Variants in ZNF485 observed in about 807,000 individuals in gnomAD.
The protein encoded by ZNF485 is zinc finger protein 485.
In ZNF485, 9 loss-of-function variants were observed where a neutral mutation model predicts 10.8. The ratio of observed to expected loss-of-function variants is 0.83; its 90% CI spans 0.50 to 1.45. The LOEUF (loss-of-function observed/expected upper bound fraction) is 1.45. ZNF485 is among the 40% of genes most tolerant of loss of function. The probability of loss-of-function intolerance (pLI) is 0.00; values close to 1 mark genes in which losing one functional copy is unlikely to be tolerated. For missense variants in ZNF485, 487 were observed against 528.0 expected, an observed-to-expected ratio of 0.92 and a Z score of 0.76; for synonymous variants, 187 against 181.0, an observed-to-expected ratio of 1.03 and a Z score of -0.27.
At chr10:43,611,615 T>C (rs12765058) in intron 4 of ZNF485, among the ~76,000 whole-genome samples, 7,571 of 152,334 alleles carry the variant, frequency 0.05, 258 homozygotes, top group Non-Finnish European at 0.076. Flanking sequence ...TACATGTTTA[T>C]ACTCCTAATG....
chr10:43,610,678 A>T (rs184119121), intron 4 of ZNF485, among the ~76,000 whole-genome samples: 3 of 152,320 alleles, frequency 2.0e-5, no homozygotes, highest in Non-Finnish European at 4.4e-5. Context: ...TGCTTAGAGG[A>T]CTAGTAAATC....
chr10:43,614,215 A>G (rs946227950), intron 4 of ZNF485, among the ~76,000 whole-genome samples: 1 of 144,280 alleles, frequency 6.9e-6, no homozygotes, highest in Non-Finnish European at 1.5e-5. Context: ...CTCCGTATCA[A>G]AAAAAAAAAA....
rs750541678 is a variant in ZNF485 at position 43,617,141 on chromosome 10, C to T, written c.1098C>T (p.Ser366=). Residue 366 remains serine, a synonymous_variant, in exon 5 of 5, where the codon AGC becomes AGT. Transcript: ENST00000361807. ...ACTGTGGGAAGGCCTTTACAAAGAGCTCAACCCTTACTGGACATCAGAGAA... is the reference window on the plus strand; with the variant it reads ...ACTGTGGGAAGGCCTTTACAAAGAGTTCAACCCTTACTGGACATCAGAGAA... ...CRDCGKAFTK[S]STLTGHQRIH... 1.1e-5 allele frequency: 18 copies of T among 1,614,184 alleles called. 1 individual carries two copies. Among genetic ancestry groups the T allele is most frequent in the Middle Eastern group, 1.6e-4 (1 of 6,062 alleles).
At chr10:43,614,958 A>C (rs1324922516) in intron 4 of ZNF485, among the ~76,000 whole-genome samples, 1 of 152,170 alleles carries the variant, frequency 6.6e-6, no homozygotes, top group Non-Finnish European at 1.5e-5. Flanking sequence ...ATGTGTCTTC[A>C]CGTTGCCAGC....
In ZNF485 at chr10:43,616,857, T is replaced by G. The variant is rs772646485; in HGVS notation, c.814T>G (p.Cys272Gly). The stretch of plus-strand genomic sequence containing the variant: ...ACATAGTGGAGAGAAGCCTTTTAAA[T>G]GTAACAAGTGTGGGAGAGCTTTCAG... Reference protein sequence around the residue: ...RIHSGEKPFKCNKCGRAFRDN... With the variant: ...RIHSGEKPFKGNKCGRAFRDN... Residue 272 changes from cysteine to glycine, a missense_variant, in exon 5 of 5, where the codon TGT (cysteine) becomes GGT (glycine). Transcript: ENST00000361807. The G allele has an allele frequency of 1.2e-6, 2 of 1,614,106 alleles. No individual in the cohort carries two copies. The highest frequency in any genetic ancestry group is 4.5e-5 in the East Asian group (2 of 44,876).
At chr10:43,615,603 T>C (rs545217421) in intron 4 of ZNF485, among the ~76,000 whole-genome samples, 30 of 152,282 alleles carry the variant, frequency 2.0e-4, no homozygotes, top group African/African-American at 7.2e-4. Context: ...GGTTTTGCCA[T>C]GTTGGCCAGG....
At chr10:43,612,631 G>A (rs951835670) in intron 4 of ZNF485, among the ~76,000 whole-genome samples, 2 of 152,178 alleles carry the variant, frequency 1.3e-5, no homozygotes, top group East Asian at 3.8e-4. Flanking sequence ...AAGGTCATAA[G>A]TTACTTGTGT....
chr10:43,609,266 T>C lies in ZNF485; in HGVS notation c.163T>C (p.Ser55Pro), dbSNP rs1226091366. 6.2e-7 allele frequency: 1 copy of C among 1,613,638 alleles called. No individual in the cohort carries two copies. Among genetic ancestry groups the C allele is most frequent in the Non-Finnish European group, 8.5e-7 (1 of 1,179,810 alleles). ...GNLVSVGLLS[S>P]KPKLITQLEQ... Reference sequence around the variant, plus strand: ...TTCTTTATGAACAGGGCTTCTCTCTTCCAAACCAAAACTAATTACTCAGTT... The same window carrying C: ...TTCTTTATGAACAGGGCTTCTCTCTCCCAAACCAAAACTAATTACTCAGTT... The change falls in exon 4 of 5, where the codon TCC becomes CCC. Residue 55 changes from serine to proline, a missense_variant. By Grantham distance (74) the Ser-to-Pro change is moderately conservative. Coordinates refer to ENST00000361807, the MANE Select transcript of ZNF485 (RefSeq NM_145312.4).
intron 2 of ZNF485, among the ~76,000 whole-genome samples, chr10:43,607,869 A>C (rs1294171419): frequency 6.6e-6 from 1 of 152,112 alleles, no homozygotes; most frequent in Non-Finnish European, 1.5e-5. Flanking sequence ...TGTGCCTTCA[A>C]CCAGCCCTGG....
At chr10:43,606,954 A>G (rs1354375096) in intron 1 of ZNF485, 43 bp from the exon 2 acceptor site, 3 of 1,488,190 alleles carry the variant, frequency 2.0e-6, no homozygotes, top group Admixed American at 3.9e-5. Context: ...TAGCTAGGCT[A>G]GGGCACGGAG....
At position 43,607,619 on chromosome 10, in the gene ZNF485, T is replaced by C. The variant is rs549356032; in HGVS notation, c.24+545T>C. ...GAGAAAACTAGGTTTTGAAGGATTT[T>C]GAGAAGCTGATTAAATAATTGGTAT... On this transcript the variant is annotated intron_variant, in intron 2 of 4. Coordinates refer to ENST00000361807, the MANE Select transcript of ZNF485 (RefSeq NM_145312.4). 3.3e-5 allele frequency among the ~76,000 whole-genome samples: 5 copies of C among 152,342 alleles called. No individual in the cohort carries two copies. In the South Asian group the frequency reaches 1.0e-3, roughly 32 times the overall value.
Position 43,616,999 on chromosome 10 carries a change from T to G in ZNF485, c.956T>G (p.Met319Arg). Reference protein sequence around the residue: ...KSSTLISHQRMHTGEKPYHCS... With the variant: ...KSSTLISHQRRHTGEKPYHCS... ...TCAACTCTTATTAGTCACCAAAGAA[T>G]GCATACTGGGGAGAAACCCTATCAC... is the stretch of plus-strand genomic sequence containing the variant. Residue 319 changes from methionine to arginine, a missense_variant, in exon 5 of 5, where the codon ATG becomes AGG. By Grantham distance (91) the Met-to-Arg change is moderately conservative (BLOSUM62 -1). Transcript: ENST00000361807. The G allele has an allele frequency of 6.2e-6, 10 of 1,614,146 alleles. No individual in the cohort carries two copies. Among genetic ancestry groups the G allele is most frequent in the Non-Finnish European group, 8.5e-6 (10 of 1,180,042 alleles).
rs912196614 is a variant in ZNF485, at chr10:43,616,581, C to A, written c.538C>A (p.His180Asn). 2 of 1,614,086 alleles carry A rather than the reference C, an allele frequency of 1.2e-6. No individual in the cohort carries two copies. The highest frequency in any genetic ancestry group is 1.3e-5 in the African/African-American group (1 of 74,932). Residue 180 changes from histidine (H) to asparagine (N), a missense_variant, in exon 5 of 5, where the codon CAT (histidine) becomes AAT (asparagine). His to Asn is a moderately conservative substitution (Grantham distance 68). Coordinates refer to ENST00000361807, the MANE Select transcript of ZNF485 (RefSeq NM_145312.4). ...ATCCCTTTTAAATCACCATAAGGTT[C>A]ATGCAGGCAAACAGCCTTATAGATG... The part of the protein sequence containing the change: ...SSSLLNHHKV[H>N]AGKQPYRCIE...
intron 4 of ZNF485, among the ~76,000 whole-genome samples, chr10:43,614,441 G>T (rs1376586975): frequency 1.3e-5 from 2 of 152,006 alleles, no homozygotes; most frequent in African/African-American, 2.4e-5. Flanking sequence ...ATGCCACCAT[G>T]CTCAGCTAAT....
At chr10:43,613,212 T>C (rs868773501) in intron 4 of ZNF485, among the ~76,000 whole-genome samples, 43 of 152,226 alleles carry the variant, frequency 2.8e-4, no homozygotes, top group Non-Finnish European at 4.9e-4. Flanking sequence ...GGTTAAAAAA[T>C]AGAACTTTGG....
intron 4 of ZNF485, among the ~76,000 whole-genome samples, chr10:43,612,635 C>T (rs928680394): frequency 6.6e-6 from 1 of 152,156 alleles, no homozygotes; most frequent in African/African-American, 2.4e-5. Flanking sequence ...TCATAAGTTA[C>T]TTGTGTTGAA....
In ZNF485 at chr10:43,615,172, A is replaced by G. The variant is rs188769205; in HGVS notation, c.248-1119A>G. ...CTACTAAGTATAAATACATATAAAT[A>G]TATGTATGTGTATATATCTTTAGGT... On this transcript the variant is annotated intron_variant, in intron 4 of 4. Transcript: ENST00000361807. 1.8e-4 allele frequency among the ~76,000 whole-genome samples: 27 copies of G among 152,308 alleles called. No homozygotes were observed. In the South Asian group the frequency reaches 1.9e-3, roughly 11 times the overall value.
At chr10:43,615,156 A>G (rs1184247249) in intron 4 of ZNF485, among the ~76,000 whole-genome samples, 1 of 152,272 alleles carries the variant, frequency 6.6e-6, no homozygotes, top group Non-Finnish European at 1.5e-5. Flanking sequence ...ACTACTAAGT[A>G]TAAATACATA....
rs534461425 is a variant in ZNF485, at chr10:43,609,247, A to G, written c.152-8A>G. 1 of 1,601,624 alleles carries G rather than the reference A, an allele frequency of 6.2e-7. No individual in the cohort carries two copies. The highest frequency in any genetic ancestry group is 1.4e-5 in the African/African-American group (1 of 73,724). ...TCTTCCTCTAAGATCCTTTTTCTTT[A>G]TGAACAGGGCTTCTCTCTTCCAAAC... On this transcript the variant is annotated splice_polypyrimidine_tract_variant and splice_region_variant and intron_variant, in intron 3 of 4. Coordinates refer to ENST00000361807, the MANE Select transcript of ZNF485 (RefSeq NM_145312.4).
Sources: gnomAD v4.1 joint callset for allele counts (sites outside exome capture counted in the v4.1 genomes callset) on GRCh38, gnomAD v4.1.1 for gene constraint, MANE v1.5 for transcripts, NCBI Gene and HGNC (gene_info 2026-07-23, HGNC 2026-07-21) for gene names.